TEAD4: variants seen among roughly 807,000 people sequenced by gnomAD.
TEAD4 encodes the protein TEA domain transcription factor 4.
In TEAD4, 36 loss-of-function variants were observed where a neutral mutation model predicts 52.4. That is an observed-to-expected ratio of 0.69 (90% CI 0.53 to 0.91). TEAD4 has a LOEUF of 0.91. TEAD4 is among the 40% of genes least tolerant of loss of function. The pLI, the probability that TEAD4 is intolerant of heterozygous loss-of-function variation, is 0.00. For missense variants in TEAD4, 508 were observed against 583.9 expected (o/e 0.87, Z 1.34); for synonymous variants, 220 against 231.0 (o/e 0.95, Z 0.43).
In TEAD4 at chr12:3,038,254, G is replaced by A. The variant is rs2098280615; in HGVS notation, c.1038+146G>A. The A allele has an allele frequency of 3.3e-5, 36 of 1,095,024 alleles. No homozygotes were observed. In the South Asian group the frequency reaches 5.2e-4, roughly 16 times the overall value. 67.8% of individuals were successfully genotyped at this position (1,095,024 alleles called of 1,614,324 possible). The stretch of plus-strand genomic sequence containing the variant: ...CTTCCCTGTCTGCTGTCAGTGCTGT[G>A]TGCCTCCCACACTCCCCTTGGCACC... On this transcript the variant is annotated intron_variant, in intron 11 of 12. Transcript: ENST00000359864.
intron 2 of TEAD4, among the ~76,000 whole-genome samples, chr12:2,978,913 C>CT (rs2098231991): frequency 6.6e-6 from 1 of 151,442 alleles, no homozygotes; most frequent in African/African-American, 2.4e-5. Flanking sequence ...AATTTCATGC[C>CT]TTTTTTGTTT....
At chr12:2,991,190 C>A (rs917966515) in intron 2 of TEAD4, among the ~76,000 whole-genome samples, 4 of 152,108 alleles carry the variant, frequency 2.6e-5, no homozygotes, top group African/African-American at 9.7e-5. Flanking sequence ...CAGAGCAAGA[C>A]ACTGTCTCTA....
chr12:2,988,978 G>GGTA (rs1202937724), intron 2 of TEAD4, among the ~76,000 whole-genome samples: 1 of 152,168 alleles, frequency 6.6e-6, no homozygotes, highest in African/African-American at 2.4e-5. Context: ...AGCTGGTAAA[G>GGTA]GTAGATAGTG....
intron 2 of TEAD4, among the ~76,000 whole-genome samples, chr12:2,967,117 T>G (rs1056725563): frequency 1.3e-5 from 2 of 152,120 alleles, no homozygotes; most frequent in Non-Finnish European, 2.9e-5. Context: ...AAGATGAAGT[T>G]TAAAAATATT....
intron 2 of TEAD4, among the ~76,000 whole-genome samples, chr12:2,968,463 T>C (rs999812532): frequency 1.6e-5 from 2 of 125,658 alleles, no homozygotes; most frequent in African/African-American, 5.8e-5. Context: ...AGCGTTGCAA[T>C]CACAGCTCAC....
intron 3 of TEAD4, among the ~76,000 whole-genome samples, chr12:2,996,858 G>A (rs1300051576): frequency 6.6e-6 from 1 of 152,156 alleles, no homozygotes; most frequent in African/African-American, 2.4e-5. Flanking sequence ...TGGGTCTACA[G>A]GCGTGCGCCA....
intron 10 of TEAD4, among the ~76,000 whole-genome samples, chr12:3,035,357 T>C (rs2098278707): frequency 1.3e-5 from 2 of 152,186 alleles, no homozygotes; most frequent in Admixed American, 1.3e-4. Context: ...GTCCAGTGCA[T>C]CCTTCCCAGG....
intron 2 of TEAD4, among the ~76,000 whole-genome samples, chr12:2,961,386 G>A (rs939412479): frequency 2.6e-5 from 4 of 152,010 alleles, no homozygotes; most frequent in African/African-American, 9.7e-5. Context: ...TTGGAAGGAA[G>A]GAGCCAGAAA....
At chr12:2,974,035 TCTCA>T (rs1278059999) in intron 2 of TEAD4, among the ~76,000 whole-genome samples, 2 of 151,876 alleles carry the variant, frequency 1.3e-5, no homozygotes, top group East Asian at 3.9e-4. Flanking sequence ...TGAGACGGAG[TCTCA>T]CTCTGTCGCC....
intron 3 of TEAD4, among the ~76,000 whole-genome samples, chr12:3,008,960 C>A (rs916985228): frequency 6.6e-5 from 10 of 152,290 alleles, no homozygotes; most frequent in African/African-American, 2.2e-4. Flanking sequence ...TTTCCTTGCC[C>A]GTAGACTAGT....
At chr12:3,009,203 G>A (rs1485553345) in intron 3 of TEAD4, among the ~76,000 whole-genome samples, 1 of 152,188 alleles carries the variant, frequency 6.6e-6, no homozygotes, top group Non-Finnish European at 1.5e-5. Flanking sequence ...TGATGCGGGT[G>A]GATCACTTGA....
chr12:3,011,842 T>A (rs2153956663), intron 4 of TEAD4, among the ~76,000 whole-genome samples: 1 of 152,000 alleles, frequency 6.6e-6, no homozygotes, highest in East Asian at 1.9e-4. Context: ...ATTTTTGTAT[T>A]TTTAGTAGAA....
chr12:3,004,593 C>T (rs917214463), intron 3 of TEAD4, among the ~76,000 whole-genome samples: 2 of 152,214 alleles, frequency 1.3e-5, no homozygotes, highest in Middle Eastern at 6.3e-3. Flanking sequence ...GAAGATTTCT[C>T]AACCTTGCTG....
chr12:3,023,842 A>C (rs2153957658), intron 10 of TEAD4, among the ~76,000 whole-genome samples: 1 of 150,486 alleles, frequency 6.6e-6, no homozygotes, highest in East Asian at 2.0e-4. Context: ...ACTCCTCCCC[A>C]CACCCAAATC....
intron 10 of TEAD4, among the ~76,000 whole-genome samples, chr12:3,024,579 C>T (rs2098270868): frequency 6.6e-6 from 1 of 152,122 alleles, no homozygotes; most frequent in Non-Finnish European, 1.5e-5. Flanking sequence ...ATTGCTTGAG[C>T]CTGGGAGGCA....
intron 3 of TEAD4, among the ~76,000 whole-genome samples, chr12:2,998,313 A>G (rs2098248912): frequency 1.3e-5 from 2 of 152,052 alleles, no homozygotes; most frequent in South Asian, 2.1e-4. Flanking sequence ...CCTGCTTCAC[A>G]TATAAAGATA....
At chr12:2,996,472 C>T (rs542786053) in intron 3 of TEAD4, among the ~76,000 whole-genome samples, 2 of 150,924 alleles carry the variant, frequency 1.3e-5, no homozygotes, top group Non-Finnish European at 2.9e-5. Context: ...GCAATGGGCG[C>T]AATCTCAGCT....
At chr12:3,018,974 C>A (rs537293337) in intron 7 of TEAD4, 141 bp from the exon 8 acceptor site, 8 of 1,008,344 alleles carry the variant, frequency 7.9e-6, no homozygotes, top group Non-Finnish European at 1.2e-5. Context: ...TCGGCAGGGG[C>A]GGGAGTAGGA....
intron 10 of TEAD4, among the ~76,000 whole-genome samples, chr12:3,033,990 G>A (rs976927247): frequency 6.6e-5 from 10 of 151,422 alleles, no homozygotes; most frequent in Admixed American, 5.3e-4. Context: ...GGTGTGTTCC[G>A]GGTTTATGCA....
Sources: allele counts gnomAD v4.1 joint callset (sites outside exome capture counted in the v4.1 genomes callset), GRCh38; gene constraint gnomAD v4.1.1; transcripts MANE v1.5; gene names NCBI Gene and HGNC (gene_info 2026-07-23, HGNC 2026-07-21).